The following NXPE2 variants were observed in gnomAD, a reference collection of about 807,000 sequenced individuals.
NXPE2 encodes the protein NXPE family member 2.
In NXPE2, 34 loss-of-function variants were observed where a neutral mutation model predicts 34.4. The ratio of observed to expected loss-of-function variants is 0.99; its 90% CI spans 0.75 to 1.31. The LOEUF (loss-of-function observed/expected upper bound fraction) is 1.31. Ranked by LOEUF, NXPE2 falls within the 40% of genes most tolerant of loss-of-function variation. The pLI is 0.00. For missense variants in NXPE2, 649 were observed against 672.5 expected (o/e 0.97, Z 0.39); for synonymous variants, 235 against 231.3 (o/e 1.02, Z -0.15).
At chr11:114,588,919 C>T in the NXPE2 span, among the ~76,000 whole-genome samples, 2 of 152,050 alleles carry the variant, frequency 1.3e-5, no homozygotes, top group African/African-American at 4.8e-5. Flanking sequence ...GGCTATAGGG[C>T]CAGATAGCAT....
At chr11:114,693,418 C>G (rs1432365561) in intron 2 of NXPE2, among the ~76,000 whole-genome samples, 1 of 152,204 alleles carries the variant, frequency 6.6e-6, no homozygotes, top group East Asian at 1.9e-4. Flanking sequence ...CCTAAATAGC[C>G]TACCAAAGGC....
the NXPE2 span, among the ~76,000 whole-genome samples, chr11:114,550,584 A>G: frequency 2.0e-5 from 3 of 152,212 alleles, no homozygotes; most frequent in Admixed American, 6.5e-5. Flanking sequence ...CAAGTGGATC[A>G]GATATTTATA....
chr11:114,673,384 C>G, the NXPE2 span, among the ~76,000 whole-genome samples: 1 of 151,190 alleles, frequency 6.6e-6, no homozygotes, highest in East Asian at 1.9e-4. Context: ...GAAGAAAGAT[C>G]TCAAATCAAT....
the NXPE2 span, among the ~76,000 whole-genome samples, chr11:114,715,978 T>C: frequency 6.6e-6 from 1 of 152,210 alleles, no homozygotes; most frequent in Non-Finnish European, 1.5e-5. Flanking sequence ...CCCAGGAATC[T>C]GTATGTTTAG....
the NXPE2 span, among the ~76,000 whole-genome samples, chr11:114,585,299 T>C: frequency 4.6e-3 from 695 of 152,000 alleles, 3 homozygotes; most frequent in Non-Finnish European, 6.9e-3. Context: ...AATAAAATGG[T>C]ATATTTCATT....
intron 3 of NXPE2, among the ~76,000 whole-genome samples, chr11:114,703,082 C>T (rs1282328882): frequency 2.0e-5 from 3 of 152,056 alleles, no homozygotes; most frequent in Non-Finnish European, 2.9e-5. Context: ...AAATATTATA[C>T]TGAATAATAT....
the NXPE2 span, among the ~76,000 whole-genome samples, chr11:114,781,358 C>T: frequency 6.6e-6 from 1 of 152,162 alleles, no homozygotes; most frequent in African/African-American, 2.4e-5. Context: ...TCATCCCTGG[C>T]CATGCTGACT....
At position 114,706,351 on chromosome 11, in the gene NXPE2, C is replaced by T. The variant is rs7941088; in HGVS notation, c.1145-44C>T. The T allele has an allele frequency of 7.7e-3, 11,075 of 1,437,628 alleles. 625 individuals are homozygous for T. In the African/African-American group the frequency reaches 0.13, roughly 17 times the overall value. 89.1% of individuals were successfully genotyped at this position (1,437,628 alleles called of 1,614,324 possible). A position where few individuals can be genotyped will look rare whatever the true frequency, so the allele number is the denominator to read the frequency against. ...TGTTGTGTGCAGTTTAAAGTTATAT[C>T]ATTTTCCTTTTGTTAAAATATTTAT... is the stretch of plus-strand genomic sequence containing the variant. On this transcript the variant is annotated intron_variant, in intron 5 of 5. Transcript: ENST00000389586.
chr11:114,696,195 G>T lies in NXPE2; in HGVS notation c.133-1850G>T, dbSNP rs116835539. ...CTATGAAAAATACAAAAATTAGCCA[G>T]GTGCTGGTGGCTCACACTACCTAGG... is the stretch of plus-strand genomic sequence containing the variant. On this transcript the variant is annotated intron_variant, in intron 2 of 5. Coordinates refer to ENST00000389586, the MANE Select transcript of NXPE2 (RefSeq NM_182495.6). Among the ~76,000 whole-genome samples the T allele has an allele frequency of 9.1e-3, 1,375 of 151,738 alleles. 19 individuals are homozygous for T. Among genetic ancestry groups the T allele is most frequent in the African/African-American group, 0.032 (1,319 of 41,356 alleles).
chr11:114,714,866 A>G, the NXPE2 span, among the ~76,000 whole-genome samples: 1 of 152,210 alleles, frequency 6.6e-6, no homozygotes, highest in African/African-American at 2.4e-5. Context: ...TACTAAAAAT[A>G]CAAAAATTAG....
the NXPE2 span, among the ~76,000 whole-genome samples, chr11:114,776,216 C>T: frequency 6.6e-6 from 1 of 152,234 alleles, no homozygotes; most frequent in Admixed American, 6.5e-5. Flanking sequence ...ATCCAGCGGC[C>T]CCCGTGTCCG....
chr11:114,526,307 T>G, the NXPE2 span, among the ~76,000 whole-genome samples: 2 of 152,346 alleles, frequency 1.3e-5, no homozygotes, highest in South Asian at 2.1e-4. Context: ...TAAAGCCACT[T>G]TATTATAGCA....
chr11:114,634,062 A>T, the NXPE2 span, among the ~76,000 whole-genome samples: 1 of 151,774 alleles, frequency 6.6e-6, no homozygotes, highest in African/African-American at 2.4e-5. Context: ...TGATTGAACT[A>T]GTTTACAGTT....
At chr11:114,756,826 A>G in the NXPE2 span, among the ~76,000 whole-genome samples, 20 of 152,144 alleles carry the variant, frequency 1.3e-4, no homozygotes, top group Non-Finnish European at 2.6e-4. Context: ...GCAGCCAACA[A>G]TGTCAGTTTC....
At chr11:114,653,498 C>A in the NXPE2 span, among the ~76,000 whole-genome samples, 5 of 150,232 alleles carry the variant, frequency 3.3e-5, no homozygotes, top group Non-Finnish European at 5.9e-5. Context: ...ATTTCATTAC[C>A]TTTTCTTGTT....
chr11:114,766,315 T>C, the NXPE2 span, among the ~76,000 whole-genome samples: 3 of 152,162 alleles, frequency 2.0e-5, no homozygotes, highest in African/African-American at 7.2e-5. Flanking sequence ...ACTTCTTCCA[T>C]GACAATCCCC....
At chr11:114,568,778 C>T in the NXPE2 span, among the ~76,000 whole-genome samples, 3 of 152,310 alleles carry the variant, frequency 2.0e-5, no homozygotes, top group Non-Finnish European at 4.4e-5. Flanking sequence ...CCATCACCAC[C>T]ATGCCGTTAC....
At chr11:114,716,664 A>G in the NXPE2 span, among the ~76,000 whole-genome samples, 1 of 152,186 alleles carries the variant, frequency 6.6e-6, no homozygotes, top group Non-Finnish European at 1.5e-5. Context: ...TGTCTTGAGC[A>G]ATCTAGTTGT....
At chr11:114,636,409 A>C in the NXPE2 span, among the ~76,000 whole-genome samples, 2 of 151,850 alleles carry the variant, frequency 1.3e-5, no homozygotes. Flanking sequence ...CTTTCAAAAA[A>C]CCAGCTCCTG....
Sources: gnomAD v4.1 joint callset for allele counts (sites outside exome capture counted in the v4.1 genomes callset) on GRCh38, gnomAD v4.1.1 for gene constraint, MANE v1.5 for transcripts, NCBI Gene and HGNC (gene_info 2026-07-23, HGNC 2026-07-21) for gene names.